The following MTHFD1L variants were observed in gnomAD, a reference collection of about 807,000 sequenced individuals.
MTHFD1L encodes monofunctional C1-tetrahydrofolate synthase, mitochondrial.
Under a neutral mutation model 119.5 loss-of-function variants are expected in MTHFD1L, and 81 were observed. The ratio of observed to expected loss-of-function variants is 0.68; its 90% CI spans 0.57 to 0.82. The LOEUF is 0.82. MTHFD1L is among the 40% of genes least tolerant of loss of function. The pLI, the probability that MTHFD1L is intolerant of heterozygous loss-of-function variation, is 0.00. For synonymous variants in MTHFD1L, 430 were observed against 475.2 expected, an observed-to-expected ratio of 0.90 and a Z score of 1.24; for missense variants, 1,125 against 1,253.4, an observed-to-expected ratio of 0.90 and a Z score of 1.55.
At chr6:150,965,154 G>T in intron 19 of MTHFD1L, 117 bp downstream of exon 19, 1 of 806,802 alleles carries the variant, frequency 1.2e-6, no homozygotes, top group South Asian at 1.6e-5. Flanking sequence ...AGTGTGCTTT[G>T]CAATCTCAGG....
chr6:150,954,983 AC>A lies in MTHFD1L; in HGVS notation c.1727-1006del, dbSNP rs553920985. Among the ~76,000 whole-genome samples, 562 of 141,482 alleles carry A rather than the reference AC, an allele frequency of 4.0e-3. 4 individuals carry two copies. Among genetic ancestry groups the A allele is most frequent in the Admixed American group, 6.0e-3 (82 of 13,576 alleles). The allele number at this position is 141,482 out of a possible 152,430, so 92.8% of individuals were successfully genotyped here. ...GCTCTATTCACCATTCACCCCCGCC[AC>A]CCCCCACAATTCTACTTTATTTACT... On this transcript the variant is annotated intron_variant, in intron 16 of 27. Coordinates refer to ENST00000367321, the MANE Select transcript of MTHFD1L (RefSeq NM_015440.5).
At chr6:151,015,792 A>G in intron 24 of MTHFD1L, 99 bp downstream of exon 24, 1 of 1,430,552 alleles carries the variant, frequency 7.0e-7, no homozygotes, top group Non-Finnish European at 9.4e-7. Flanking sequence ...AAAACTAAAG[A>G]TAGAAGAGTT....
chr6:151,072,958 AATAC>A (rs1385419371), intron 26 of MTHFD1L, among the ~76,000 whole-genome samples: 1 of 151,880 alleles, frequency 6.6e-6, no homozygotes, highest in African/African-American at 2.4e-5. Context: ...GTATATGAAA[AATAC>A]ATCACTCAGG....
chr6:151,003,684 G>A (rs1780957906), intron 20 of MTHFD1L, among the ~76,000 whole-genome samples: 1 of 152,198 alleles, frequency 6.6e-6, no homozygotes, highest in South Asian at 2.1e-4. Flanking sequence ...GTAAACACTA[G>A]GCAAGACACT....
chr6:150,944,776 A>G (rs1163406933), intron 14 of MTHFD1L, among the ~76,000 whole-genome samples, 183 bp downstream of exon 14: 2 of 152,244 alleles, frequency 1.3e-5, no homozygotes, highest in Admixed American at 6.5e-5. Flanking sequence ...TCAGATTCTC[A>G]AATGGGTTTA....
At chr6:150,950,608 G>C (rs1425600336) in intron 16 of MTHFD1L, among the ~76,000 whole-genome samples, 4 of 152,164 alleles carry the variant, frequency 2.6e-5, no homozygotes, top group African/African-American at 7.2e-5. Context: ...AGACCCAAAA[G>C]CTCTGCCCAC....
intron 20 of MTHFD1L, among the ~76,000 whole-genome samples, chr6:150,984,823 G>T (rs1317653669): frequency 6.6e-6 from 1 of 152,018 alleles, no homozygotes; most frequent in Non-Finnish European, 1.5e-5. Context: ...TTTTTAAATT[G>T]CATTTTGATG....
chr6:150,953,674 G>C (rs1795171481), intron 16 of MTHFD1L, among the ~76,000 whole-genome samples: 1 of 152,204 alleles, frequency 6.6e-6, no homozygotes, highest in Non-Finnish European at 1.5e-5. Flanking sequence ...GTTAAAGGCA[G>C]AGGTGGGCTT....
At chr6:151,095,625 G>A (rs191763090) in intron 27 of MTHFD1L, among the ~76,000 whole-genome samples, 1 of 152,158 alleles carries the variant, frequency 6.6e-6, no homozygotes, top group Non-Finnish European at 1.5e-5. Flanking sequence ...TCTTATATAC[G>A]GGGCCTGCAG....
rs893925965 is a variant in MTHFD1L, at chr6:151,039,641, G to A, written c.2847+2524G>A. Reference sequence around the variant, plus strand: ...CGTTAGAATGGCCTCAGTCAGCCGGGTGCGGTGGCTCACGCCTGTAATCCC... The same window carrying A: ...CGTTAGAATGGCCTCAGTCAGCCGGATGCGGTGGCTCACGCCTGTAATCCC... On this transcript the variant is annotated intron_variant, in intron 26 of 27. Coordinates refer to ENST00000367321, the MANE Select transcript of MTHFD1L (RefSeq NM_015440.5). The surrounding 1 kb of genome is among the most constrained non-coding windows in gnomAD (Gnocchi z 4.4). Among the ~76,000 whole-genome samples the A allele has an allele frequency of 6.6e-6, 1 of 152,114 alleles. No individual in the cohort carries two copies. Among genetic ancestry groups the A allele is most frequent in the African/African-American group, 2.4e-5 (1 of 41,420 alleles).
chr6:151,066,973 G>A (rs977889835), intron 26 of MTHFD1L, among the ~76,000 whole-genome samples: 11 of 150,038 alleles, frequency 7.3e-5, no homozygotes, highest in African/African-American at 2.7e-4. Flanking sequence ...ATATTAGTAA[G>A]TGTTAAAAAT....
intron 26 of MTHFD1L, among the ~76,000 whole-genome samples, chr6:151,062,174 C>T (rs538627392): frequency 3.3e-5 from 5 of 152,174 alleles, no homozygotes; most frequent in East Asian, 1.9e-4. Context: ...CGGTGGCTCA[C>T]GCCTGTAATC....
At chr6:151,065,803 G>A (rs1333825195) in intron 26 of MTHFD1L, among the ~76,000 whole-genome samples, 3 of 152,338 alleles carry the variant, frequency 2.0e-5, no homozygotes, top group East Asian at 1.9e-4. Context: ...CACCACATGC[G>A]GTGGCCGCCA....
intron 16 of MTHFD1L, among the ~76,000 whole-genome samples, chr6:150,953,041 T>A (rs1334518711): frequency 6.6e-6 from 1 of 152,100 alleles, no homozygotes; most frequent in Non-Finnish European, 1.5e-5. Context: ...CGTCTCTCCA[T>A]CTCCCTCGCA....
At position 151,069,023 on chromosome 6, in the gene MTHFD1L, G is replaced by A. The variant is rs144511942; in HGVS notation, c.2848-23444G>A. On this transcript the variant is annotated intron_variant, in intron 26 of 27. Transcript: ENST00000367321. ...TGGAAAGAGCTAAAACTATGGTATC[G>A]TTTTATTGCAGTCCTCACATCAATC... is the stretch of plus-strand genomic sequence containing the variant. 8.7e-4 allele frequency among the ~76,000 whole-genome samples: 132 copies of A among 152,254 alleles called. 1 individual carries two copies. Among genetic ancestry groups the A allele is most frequent in the African/African-American group, 2.6e-3 (109 of 41,548 alleles).
Position 151,060,397 on chromosome 6 carries a change from C to A in MTHFD1L, c.2847+23280C>A, listed in dbSNP as rs1790475696. ...GCTGGGTACTAGGCCATTAGAAGAA[C>A]AAACAACAACAACATAGGCCTGGAC... On this transcript the variant is annotated intron_variant, in intron 26 of 27. Coordinates refer to ENST00000367321, the MANE Select transcript of MTHFD1L (RefSeq NM_015440.5). Among the ~76,000 whole-genome samples, 3 of 152,178 alleles carry A rather than the reference C, an allele frequency of 2.0e-5. No homozygotes were observed. The South Asian group carries it at 6.2e-4, about 32-fold the overall frequency.
At chr6:151,051,750 T>C (rs369856172) in intron 26 of MTHFD1L, among the ~76,000 whole-genome samples, 5 of 152,202 alleles carry the variant, frequency 3.3e-5, no homozygotes, top group African/African-American at 1.2e-4. Context: ...AAGGTGTAAG[T>C]GCTAAATGCA....
chr6:151,010,021 C>A, intron 21 of MTHFD1L, 63 bp downstream of exon 21: 1 of 1,494,726 alleles, frequency 6.7e-7, no homozygotes, highest in Non-Finnish European at 8.9e-7. Flanking sequence ...CAGAATTGAG[C>A]ATTTGAAAAA....
rs1335447014 is a variant in MTHFD1L at position 150,926,986 on chromosome 6, T to C, written c.1256+691T>C. On this transcript the variant is annotated intron_variant, in intron 11 of 27. Coordinates refer to ENST00000367321, the MANE Select transcript of MTHFD1L (RefSeq NM_015440.5). This position sits in a 1 kb window ranked among gnomAD's most constrained non-coding sequence, Gnocchi z 4.3. ...AACATCATGAGACCATATAAATTCC[T>C]TTGCTGCCTTGAAATTTCATTTCAG... 1.3e-5 allele frequency among the ~76,000 whole-genome samples: 2 copies of C among 152,196 alleles called. No individual in the cohort carries two copies. The highest frequency in any genetic ancestry group is 4.8e-5 in the African/African-American group (2 of 41,466).
Sources: gnomAD v4.1 joint callset for allele counts (sites outside exome capture counted in the v4.1 genomes callset) on GRCh38, gnomAD v4.1.1 for gene constraint, Gnocchi (gnomAD v3.1) non-coding constraint, MANE v1.5 for transcripts, NCBI Gene and HGNC (gene_info 2026-07-23, HGNC 2026-07-21) for gene names.